Variants in MYO18B observed in about 807,000 individuals in gnomAD.
MYO18B encodes the protein myosin XVIIIB.
Under a neutral mutation model 273.0 loss-of-function variants are expected in MYO18B, and 204 were observed. The ratio of observed to expected loss-of-function variants is 0.75; its 90% CI spans 0.67 to 0.84. MYO18B has a LOEUF of 0.84. Ranked by LOEUF, MYO18B falls within the 40% of genes least tolerant of loss-of-function variation. The pLI is 0.00. For missense variants in MYO18B, 3,212 were observed against 3,287.6 expected, an observed-to-expected ratio of 0.98 and a Z score of 0.56; for synonymous variants, 1,330 against 1,305.7, an observed-to-expected ratio of 1.02 and a Z score of -0.40.
chr22:25,845,544 A>G (rs1350712647), intron 18 of MYO18B, among the ~76,000 whole-genome samples: 8 of 152,054 alleles, frequency 5.3e-5, no homozygotes, highest in Admixed American at 4.6e-4. Flanking sequence ...AACAACAAAA[A>G]CGAAAAGCTA....
intron 11 of MYO18B, among the ~76,000 whole-genome samples, chr22:25,790,606 A>G (rs758597686): frequency 2.0e-5 from 3 of 152,260 alleles, no homozygotes; most frequent in Non-Finnish European, 4.4e-5. Context: ...GCATACAGCA[A>G]GTGCTCAGTA....
intron 43 of MYO18B, among the ~76,000 whole-genome samples, chr22:26,029,666 A>T (rs1016483376): frequency 6.6e-6 from 1 of 152,088 alleles, no homozygotes; most frequent in African/African-American, 2.4e-5. Context: ...CAGCTATACA[A>T]TGCAACACCT....
rs548035590 is a variant in MYO18B, at chr22:25,743,918, G to A, written c.-110+1625G>A. 3.4e-4 allele frequency among the ~76,000 whole-genome samples: 52 copies of A among 152,280 alleles called. 1 individual carries two copies. The Middle Eastern group carries it at 0.027, about 80-fold the overall frequency. Reference sequence around the variant, plus strand: ...ATCAGACTCATGTGGGGCAGGAGGCGGGGGGCTGTTTTAAAATGCAGATTC... The same window carrying A: ...ATCAGACTCATGTGGGGCAGGAGGCAGGGGGCTGTTTTAAAATGCAGATTC... On this transcript the variant is annotated intron_variant, in intron 1 of 43. Coordinates refer to ENST00000335473, the MANE Select transcript of MYO18B (RefSeq NM_032608.7).
At chr22:25,800,036 G>A (rs902126542) in intron 12 of MYO18B, among the ~76,000 whole-genome samples, 1 of 151,818 alleles carries the variant, frequency 6.6e-6, no homozygotes, top group Non-Finnish European at 1.5e-5. Flanking sequence ...AATGTCTTTT[G>A]CAGCAACTTG....
chr22:25,889,799 G>A (rs1467946717), intron 25 of MYO18B, among the ~76,000 whole-genome samples: 1 of 152,068 alleles, frequency 6.6e-6, no homozygotes, highest in Non-Finnish European at 1.5e-5. Flanking sequence ...AAAAAAACCA[G>A]TGCAGGTGGG....
chr22:26,009,722 C>T (rs187269670), intron 42 of MYO18B, among the ~76,000 whole-genome samples: 83 of 152,246 alleles, frequency 5.5e-4, no homozygotes, highest in Non-Finnish European at 9.0e-4. Flanking sequence ...TCTCCTCAAA[C>T]TTCTCTTCCC....
chr22:25,994,016 A>G (rs974453681), intron 40 of MYO18B, among the ~76,000 whole-genome samples: 3 of 152,150 alleles, frequency 2.0e-5, no homozygotes, highest in African/African-American at 7.2e-5. Context: ...CATGTAAGTT[A>G]TGTACTCCAT....
chr22:26,015,913 G>A (rs1601837861), intron 42 of MYO18B, among the ~76,000 whole-genome samples: 1 of 152,176 alleles, frequency 6.6e-6, no homozygotes, highest in East Asian at 1.9e-4. Context: ...GTTACTTGAA[G>A]ACAATCACTA....
intron 20 of MYO18B, 26 bp from the exon 21 acceptor site, chr22:25,851,444 T>C: frequency 6.7e-7 from 1 of 1,495,500 alleles, no homozygotes; most frequent in African/African-American, 1.4e-5. Flanking sequence ...TCTGTGCTCT[T>C]CTCCTGCCTG....
chr22:25,779,635 C>T (rs1383040988), intron 8 of MYO18B, among the ~76,000 whole-genome samples: 1 of 152,198 alleles, frequency 6.6e-6, no homozygotes, highest in Non-Finnish European at 1.5e-5. Flanking sequence ...TGTAGGTATG[C>T]AATGAATAGT....
chr22:25,947,274 C>T (rs978685515), intron 35 of MYO18B, among the ~76,000 whole-genome samples: 8 of 152,202 alleles, frequency 5.3e-5, no homozygotes, highest in African/African-American at 1.4e-4. Context: ...ATTTATTGAG[C>T]ACCTGTTATA....
chr22:26,063,355 G>A, the MYO18B span, among the ~76,000 whole-genome samples: 5 of 152,290 alleles, frequency 3.3e-5, no homozygotes, highest in East Asian at 9.6e-4. Flanking sequence ...CTCGTATGCT[G>A]AACGCCCCTC....
In MYO18B at chr22:26,026,653, C is replaced by T; in HGVS notation, c.6679C>T (p.Pro2227Ser). The change falls in exon 43 of 44, where the codon CCC becomes TCC. Residue 2227 changes from proline (P) to serine (S), a missense_variant. Pro to Ser is a moderately conservative substitution (Grantham distance 74). Coordinates refer to ENST00000335473, the MANE Select transcript of MYO18B (RefSeq NM_032608.7). ...STERLEPASSPLASRSTNTSP... is the reference protein window; with the variant it reads ...STERLEPASSSLASRSTNTSP... ...AGAGAGATTAGAACCTGCTTCCTCTCCCCTGGCTTCTCGGAGTACAAATAC... is the reference window on the plus strand; with the variant it reads ...AGAGAGATTAGAACCTGCTTCCTCTTCCCTGGCTTCTCGGAGTACAAATAC... The T allele has an allele frequency of 6.2e-7, 1 of 1,613,876 alleles. No individual in the cohort carries two copies. The highest frequency in any genetic ancestry group is 1.1e-5 in the South Asian group (1 of 91,046).
the MYO18B span, among the ~76,000 whole-genome samples, chr22:26,045,587 C>T: frequency 6.6e-6 from 1 of 152,220 alleles, no homozygotes; most frequent in South Asian, 2.1e-4. Flanking sequence ...AACAGCCAGG[C>T]TCTGGCACTC....
chr22:25,801,600 C>T (rs890337817), intron 12 of MYO18B, among the ~76,000 whole-genome samples: 6 of 152,096 alleles, frequency 3.9e-5, no homozygotes, highest in African/African-American at 7.2e-5. Flanking sequence ...CATTTTCATC[C>T]GTCTCATTTT....
At chr22:25,762,213 C>T (rs1568978898) in intron 2 of MYO18B, among the ~76,000 whole-genome samples, 1 of 151,948 alleles carries the variant, frequency 6.6e-6, no homozygotes, top group Non-Finnish European at 1.5e-5. Flanking sequence ...GCAGTGCTGC[C>T]CCTGCTTCTC....
chr22:26,033,265 C>A (rs1021269046), downstream of MYO18B, among the ~76,000 whole-genome samples: 1 of 152,148 alleles, frequency 6.6e-6, no homozygotes, highest in East Asian at 1.9e-4. Flanking sequence ...TGCCTGGCAC[C>A]GTTCCCCACA....
chr22:25,815,659 C>T (rs1041232425), intron 12 of MYO18B, among the ~76,000 whole-genome samples: 2 of 152,180 alleles, frequency 1.3e-5, no homozygotes, highest in Non-Finnish European at 2.9e-5. Context: ...ATCCATCTTT[C>T]TCCTCCAGCT....
intron 40 of MYO18B, 109 bp from the exon 41 acceptor site, chr22:26,003,156 C>T: frequency 2.0e-6 from 2 of 986,176 alleles, no homozygotes; most frequent in Non-Finnish European, 3.2e-6. Flanking sequence ...CACACAGGGG[C>T]AAAGGTTGGA....
Sources: allele counts gnomAD v4.1 joint callset (sites outside exome capture counted in the v4.1 genomes callset), GRCh38; gene constraint gnomAD v4.1.1; transcripts MANE v1.5; gene names NCBI Gene and HGNC (gene_info 2026-07-23, HGNC 2026-07-21).